KAZN: variants seen among roughly 807,000 people sequenced by gnomAD.
The protein encoded by KAZN is kazrin, periplakin interacting protein, also known as kazrin.
KAZN carries 40 observed loss-of-function variants against 87.4 expected under a neutral mutation model. That is an observed-to-expected ratio of 0.46 (90% confidence interval 0.36 to 0.60). The LOEUF (loss-of-function observed/expected upper bound fraction) is 0.60. Ranked by LOEUF, KAZN falls within the 20% of genes least tolerant of loss-of-function variation. The pLI, the probability that KAZN is intolerant of heterozygous loss-of-function variation, is 0.00. For missense variants in KAZN, 898 were observed against 1,073.9 expected (o/e 0.84, Z 2.29); for synonymous variants, 466 against 458.3 (o/e 1.02, Z -0.22).
intron 1 of KAZN, among the ~76,000 whole-genome samples, chr1:14,654,808 T>C (rs926873583): frequency 2.0e-5 from 3 of 152,212 alleles, no homozygotes; most frequent in Non-Finnish European, 2.9e-5. Context: ...GGAAAAGGGC[T>C]GGAGGAATAG....
intron 1 of KAZN, among the ~76,000 whole-genome samples, chr1:14,675,642 A>G (rs887808626): frequency 6.6e-6 from 1 of 152,048 alleles, no homozygotes. Flanking sequence ...ACCCATCTCC[A>G]TCATTAGAAC....
intron 1 of KAZN, chr1:14,180,299 A>T (rs138894328): frequency 1.5e-5 from 10 of 669,306 alleles, no homozygotes; most frequent in Non-Finnish European, 2.6e-5. Context: ...GAATTTATAG[A>T]TGTGTCAAGT....
chr1:14,808,862 T>C (rs570560610), intron 1 of KAZN, among the ~76,000 whole-genome samples: 1 of 152,280 alleles, frequency 6.6e-6, no homozygotes, highest in African/African-American at 2.4e-5. Context: ...ATTCATTCTG[T>C]ATTTCCTCCC....
chr1:14,558,241 T>C lies in KAZN; in HGVS notation c.250-40742T>C, dbSNP rs144545882. ...GATCCCACAACAGCACAAATGCTAT[T>C]TGATCATCTTGTTACACTAGTCGCC... On this transcript the variant is annotated intron_variant, in intron 2 of 16. Transcript: ENST00000636203. Among the ~76,000 whole-genome samples the C allele has an allele frequency of 1.4e-4, 21 of 152,336 alleles. No individual in the cohort carries two copies. In the East Asian group the frequency reaches 4.0e-3, roughly 29 times the overall value.
intron 11 of KAZN, among the ~76,000 whole-genome samples, chr1:15,102,280 T>C (rs495006): frequency 0.54 from 81,751 of 151,650 alleles, 22,381 homozygotes; most frequent in East Asian, 0.77. Flanking sequence ...AGAGAAGTCT[T>C]CAGGGGGCTC....
At chr1:14,174,370 C>T (rs773761132) in intron 1 of KAZN, among the ~76,000 whole-genome samples, 2 of 152,158 alleles carry the variant, frequency 1.3e-5, no homozygotes, top group Non-Finnish European at 2.9e-5. Context: ...CGTGATGTTG[C>T]TCAGTAGCTC....
Position 14,959,062 on chromosome 1 carries a change from C to A in KAZN, c.227-1622C>A, listed in dbSNP as rs568223123. Among the ~76,000 whole-genome samples, 3 of 152,340 alleles carry A rather than the reference C, an allele frequency of 2.0e-5. No homozygotes were observed. In the East Asian group the frequency reaches 5.8e-4, roughly 29 times the overall value. On this transcript the variant is annotated intron_variant, in intron 1 of 14. Transcript: ENST00000376030. ...ACAGATCCATAGGGCATGACAGGCG[C>A]TGATGAGTGCTGCGGAGAAAGAGCA...
chr1:14,054,064 G>C (rs559254963), intron 1 of KAZN, among the ~76,000 whole-genome samples: 1 of 151,668 alleles, frequency 6.6e-6, no homozygotes, highest in Admixed American at 6.6e-5. Context: ...GGAGGGATTG[G>C]TTTTTCTGTC....
chr1:14,609,921 G>A (rs1557834651), intron 1 of KAZN, among the ~76,000 whole-genome samples: 1 of 152,226 alleles, frequency 6.6e-6, no homozygotes, highest in Admixed American at 6.5e-5. Flanking sequence ...GCTGCACAGT[G>A]TGGGAAGAGA....
rs193140372 is a variant in KAZN, at chr1:13,912,730, A to G, written c.91+18974A>G. ...GCGATTCTCCCACCTCAGCCTCCCC[A>G]GTAGCTGGGATTACAGGGGTGCAGC... On this transcript the variant is annotated intron_variant, in intron 1 of 16. Transcript: ENST00000636203. 3.5e-4 allele frequency among the ~76,000 whole-genome samples: 54 copies of G among 152,140 alleles called. No individual in the cohort carries two copies. In the East Asian group the frequency reaches 9.9e-3, roughly 28 times the overall value.
At chr1:14,361,327 T>C (rs1659493525) in intron 2 of KAZN, among the ~76,000 whole-genome samples, 1 of 152,238 alleles carries the variant, frequency 6.6e-6, no homozygotes, top group African/African-American at 2.4e-5. Flanking sequence ...ACTGCTGTGC[T>C]GGCAGTGAGA....
chr1:14,231,773 T>C (rs1047846393), intron 2 of KAZN, among the ~76,000 whole-genome samples: 6 of 152,254 alleles, frequency 3.9e-5, no homozygotes, highest in Non-Finnish European at 7.3e-5. Flanking sequence ...CTATAATAGA[T>C]AATTCTCCAA....
At chr1:14,370,418 C>G (rs554641694) in intron 2 of KAZN, among the ~76,000 whole-genome samples, 1 of 152,312 alleles carries the variant, frequency 6.6e-6, no homozygotes, top group East Asian at 1.9e-4. Flanking sequence ...GGGATCTGAG[C>G]TGAGGCTCAG....
intron 1 of KAZN, among the ~76,000 whole-genome samples, chr1:14,632,884 A>G (rs1679674608): frequency 6.6e-6 from 1 of 150,548 alleles, no homozygotes; most frequent in Admixed American, 6.6e-5. Context: ...CACTGTAGAC[A>G]CTCTCCTGTT....
At chr1:14,510,575 T>G (rs1029863928) in intron 2 of KAZN, among the ~76,000 whole-genome samples, 4 of 152,200 alleles carry the variant, frequency 2.6e-5, no homozygotes, top group African/African-American at 9.7e-5. Flanking sequence ...TATAGTGAGC[T>G]CTCTCAGGAA....
rs1267805787 is a variant in KAZN, at chr1:14,960,862, A to C, written c.405A>C (p.Lys135Asn). The C allele has an allele frequency of 1.2e-6, 2 of 1,607,328 alleles. No individual in the cohort carries two copies. The highest frequency in any genetic ancestry group is 4.5e-5 in the East Asian group (2 of 44,734). Residue 135 changes from lysine (K) to asparagine (N), a missense_variant, in exon 2 of 15, where the codon AAA becomes AAC. Coordinates refer to ENST00000376030, the MANE Select transcript of KAZN (RefSeq NM_201628.3). ...AGGAGCAGGAGCTAGCCAGAGCCAA[A>C]GAAGCCTTGCAGGGTGAGTGACGAG... The part of the protein sequence containing the change: ...AQKEQELARA[K>N]EALQAMKADR...
In KAZN at chr1:15,056,744, G is replaced by T. The variant is rs1638319342; in HGVS notation, c.916+464G>T. ...AGGCAGCAGAACTCCTTGATTGACAGCTCTGGCCAATCACAGGGCATCCAA... is the reference window on the plus strand; with the variant it reads ...AGGCAGCAGAACTCCTTGATTGACATCTCTGGCCAATCACAGGGCATCCAA... On this transcript the variant is annotated intron_variant, in intron 5 of 14. Transcript: ENST00000376030. The surrounding 1 kb of genome is among the most constrained non-coding windows in gnomAD (Gnocchi z 5.4). Among the ~76,000 whole-genome samples, 1 of 152,210 alleles carries T rather than the reference G, an allele frequency of 6.6e-6. No individual in the cohort carries two copies. Among genetic ancestry groups the T allele is most frequent in the Non-Finnish European group, 1.5e-5 (1 of 68,038 alleles).
rs570850500 is a variant in KAZN at position 15,081,439 on chromosome 1, C to T, written c.1223-12741C>T. On this transcript the variant is annotated intron_variant, in intron 8 of 14. Transcript: ENST00000376030. The surrounding 1 kb of genome is among the most constrained non-coding windows in gnomAD (Gnocchi z 4.1). Reference sequence around the variant, plus strand: ...GTCTAGGGAGCAAAACCAGGCCCAGCGCCTGCTCATGTGCAGTTTATGGTC... The same window carrying T: ...GTCTAGGGAGCAAAACCAGGCCCAGTGCCTGCTCATGTGCAGTTTATGGTC... 2.6e-5 allele frequency among the ~76,000 whole-genome samples: 4 copies of T among 152,296 alleles called. No individual in the cohort carries two copies. The highest frequency in any genetic ancestry group is 7.2e-5 in the African/African-American group (3 of 41,564).
chr1:15,064,513 C>A (rs988445968), intron 7 of KAZN, among the ~76,000 whole-genome samples: 1 of 152,190 alleles, frequency 6.6e-6, no homozygotes, highest in Non-Finnish European at 1.5e-5. Context: ...ACCCAGATGC[C>A]GGTAGTGTCC....
Sources: gnomAD v4.1 joint callset for allele counts (sites outside exome capture counted in the v4.1 genomes callset) on GRCh38, gnomAD v4.1.1 for gene constraint, Gnocchi (gnomAD v3.1) non-coding constraint, MANE v1.5 for transcripts, NCBI Gene and HGNC (gene_info 2026-07-23, HGNC 2026-07-21) for gene names.